Variants in SOX5 observed in about 807,000 individuals in gnomAD.
The protein encoded by SOX5 is transcription factor SOX-5.
In SOX5, 9 loss-of-function variants were observed where a neutral mutation model predicts 92.0. That is an observed-to-expected ratio of 0.10 (90% CI 0.06 to 0.17). The LOEUF (loss-of-function observed/expected upper bound fraction) is 0.17, where lower values mean the gene tolerates loss of function less well. SOX5 is among the 10% of genes least tolerant of loss of function. The probability of loss-of-function intolerance (pLI) is 1.00; values close to 1 mark genes in which losing one functional copy is unlikely to be tolerated. For synonymous variants in SOX5, 344 were observed against 336.3 expected (o/e 1.02, Z -0.25); for missense variants, 642 against 944.5 (o/e 0.68, Z 4.20).
intron 7 of SOX5, among the ~76,000 whole-genome samples, chr12:23,661,162 C>T (rs896032499): frequency 1.3e-5 from 2 of 152,038 alleles, no homozygotes; most frequent in Non-Finnish European, 2.9e-5. Context: ...CGGATTTTGC[C>T]AATCATGCGG....
intron 3 of SOX5, among the ~76,000 whole-genome samples, chr12:24,222,791 A>AT (rs1381886457): frequency 6.6e-6 from 1 of 152,234 alleles, no homozygotes. Flanking sequence ...ACATTTAAAA[A>AT]ATATATAGCC....
At chr12:23,955,415 G>T (rs1946169139), upstream of SOX5, among the ~76,000 whole-genome samples, 1 of 152,050 alleles carries the variant, frequency 6.6e-6, no homozygotes, top group South Asian at 2.1e-4. Flanking sequence ...CTATTTTTAA[G>T]AATAATTTCT....
chr12:24,154,210 T>G (rs750517601), intron 4 of SOX5, among the ~76,000 whole-genome samples: 18 of 152,164 alleles, frequency 1.2e-4, no homozygotes, highest in Admixed American at 2.6e-4. Flanking sequence ...TGTAGCCTTT[T>G]GCTTATATGT....
chr12:24,451,033 G>A (rs562866678), intron 1 of SOX5, among the ~76,000 whole-genome samples: 2 of 152,098 alleles, frequency 1.3e-5, no homozygotes, highest in South Asian at 4.2e-4. Flanking sequence ...ACAAATAATT[G>A]AGAATATGTG....
chr12:24,432,852 TACACACAC>T lies in SOX5; in HGVS notation c.-250-64221_-250-64214del, dbSNP rs35695644. ...TGCATGTTTTGTTAAAGGTGTAAAA[TACACACAC>T]ACACACACAGAGTATGATCCAACTC... On this transcript the variant is annotated intron_variant, in intron 1 of 4. Coordinates refer to the SOX5 transcript ENST00000446891. 2.7e-5 allele frequency among the ~76,000 whole-genome samples: 4 copies of T among 150,652 alleles called. No homozygotes were observed. In the East Asian group the frequency reaches 7.8e-4, roughly 29 times the overall value.
At chr12:23,949,803 C>T (rs187298786), upstream of SOX5, 1,200 of 442,604 alleles carry the variant, frequency 2.7e-3, 7 homozygotes, top group Non-Finnish European at 3.7e-3. Context: ...TTTCTCCCCC[C>T]CTCCTTCCCC....
intron 2 of SOX5, among the ~76,000 whole-genome samples, chr12:23,856,434 T>C (rs2096690326): frequency 6.6e-6 from 1 of 152,144 alleles, no homozygotes; most frequent in African/African-American, 2.4e-5. Context: ...CTGTTGCAAA[T>C]GTTCTATGGG....
chr12:24,280,846 A>G (rs965567298), intron 2 of SOX5, among the ~76,000 whole-genome samples: 5 of 151,702 alleles, frequency 3.3e-5, no homozygotes, highest in Non-Finnish European at 5.9e-5. Flanking sequence ...TTTTTTTAGC[A>G]TAATACATTG....
intron 1 of SOX5, among the ~76,000 whole-genome samples, chr12:23,921,037 T>C (rs1938099758): frequency 6.6e-6 from 1 of 152,198 alleles, no homozygotes; most frequent in South Asian, 2.1e-4. Flanking sequence ...GAAATATTTG[T>C]TGAGTGACTG....
At chr12:23,539,134 A>G (rs936983523) in intron 13 of SOX5, among the ~76,000 whole-genome samples, 4 of 152,086 alleles carry the variant, frequency 2.6e-5, no homozygotes, top group African/African-American at 2.4e-5. Context: ...GGGAATTGCC[A>G]AAGATTCTTC....
At chr12:24,326,822 CCACT>C (rs1555231186) in intron 2 of SOX5, among the ~76,000 whole-genome samples, 1 of 70,010 alleles carries the variant, frequency 1.4e-5, no homozygotes, top group Non-Finnish European at 3.3e-5. Flanking sequence ...GTCTACCCAC[CCACT>C]CATTCATACA....
chr12:24,439,808 TG>T, intron 1 of SOX5, among the ~76,000 whole-genome samples: 2 of 152,142 alleles, frequency 1.3e-5, no homozygotes, highest in East Asian at 3.9e-4. Context: ...GGCAGGAGAA[TG>T]GTGTGAACCC....
At chr12:23,853,436 A>G (rs2096654659) in intron 2 of SOX5, among the ~76,000 whole-genome samples, 1 of 151,940 alleles carries the variant, frequency 6.6e-6, no homozygotes, top group African/African-American at 2.4e-5. Flanking sequence ...CTGCAAGTTA[A>G]GGGCAAATTT....
chr12:23,896,782 T>C (rs1015255739), intron 1 of SOX5, among the ~76,000 whole-genome samples: 5 of 151,012 alleles, frequency 3.3e-5, no homozygotes, highest in African/African-American at 1.2e-4. Context: ...CTATGAATGA[T>C]TTAGATGTGA....
At chr12:24,050,084 CAAAAAAAAAAA>C (rs10687571) in intron 4 of SOX5, among the ~76,000 whole-genome samples, 1 of 74,262 alleles carries the variant, frequency 1.3e-5, no homozygotes, top group Non-Finnish European at 2.3e-5. Flanking sequence ...GGCGCAGAGG[CAAAAAAAAAAA>C]AAAAAAAAAA....
chr12:23,600,522 CAT>C lies in SOX5; in HGVS notation c.1164+3863_1164+3864del, dbSNP rs371480644. Among the ~76,000 whole-genome samples, 342 of 39,812 alleles carry C rather than the reference CAT, an allele frequency of 8.6e-3. 14 individuals are homozygous for C. Among genetic ancestry groups the C allele is most frequent in the South Asian group, 0.035 (50 of 1,436 alleles). The allele number at this position is 39,812 out of a possible 152,430, so 26.1% of individuals were successfully genotyped here. The stretch of plus-strand genomic sequence containing the variant: ...AAGATAGACCATGGCGGGGGGGGTG[CAT>C]ATATATATATATATATATATATATA... On this transcript the variant is annotated intron_variant, in intron 9 of 14. Coordinates refer to ENST00000451604, the MANE Select transcript of SOX5 (RefSeq NM_006940.6).
At chr12:23,847,574 TG>T (rs908535024) in intron 2 of SOX5, among the ~76,000 whole-genome samples, 18 of 152,098 alleles carry the variant, frequency 1.2e-4, no homozygotes, top group Non-Finnish European at 1.3e-4. Flanking sequence ...TCTGTTAATA[TG>T]TTTTTTTTTG....
intron 3 of SOX5, chr12:24,213,419 T>TAAAAAAAAAAA (rs67296842): frequency 0.016 from 1,555 of 95,548 alleles, no homozygotes; most frequent in Non-Finnish European, 0.02. Flanking sequence ...CTTGAAATGC[T>TAAAAAAAAAAA]AAAAAAAAAA....
chr12:23,632,545 G>A (rs2078680484), intron 8 of SOX5, among the ~76,000 whole-genome samples: 1 of 152,034 alleles, frequency 6.6e-6, no homozygotes, highest in Non-Finnish European at 1.5e-5. Flanking sequence ...ATAAAGCCAT[G>A]CTCAGTCACT....
Sources: gnomAD v4.1 joint callset for allele counts (sites outside exome capture counted in the v4.1 genomes callset) on GRCh38, gnomAD v4.1.1 for gene constraint, MANE v1.5 for transcripts, NCBI Gene and HGNC (gene_info 2026-07-23, HGNC 2026-07-21) for gene names.